Variants in CEP162 observed in about 807,000 individuals in gnomAD.
The protein encoded by CEP162 is centrosomal protein 162.
In CEP162, 141 loss-of-function variants were observed where a neutral mutation model predicts 169.2. The ratio of observed to expected loss-of-function variants is 0.83; its 90% CI spans 0.73 to 0.96. CEP162 has a LOEUF of 0.96. Among genes scored for constraint, CEP162 ranks in the 40% least tolerant of loss-of-function variants. The probability of loss-of-function intolerance (pLI) is 0.00; values close to 1 mark genes in which losing one functional copy is unlikely to be tolerated. For synonymous variants in CEP162, 540 were observed against 526.4 expected (o/e 1.03, Z -0.35); for missense variants, 1,600 against 1,587.2 (o/e 1.01, Z -0.14).
intron 11 of CEP162, among the ~76,000 whole-genome samples, chr6:84,193,281 T>C (rs191017448): frequency 6.6e-6 from 1 of 152,354 alleles, no homozygotes; most frequent in Non-Finnish European, 1.5e-5. Context: ...GAAGGAAATC[T>C]ATGACTCATA....
Position 84,201,693 on chromosome 6 carries a change from A to C in CEP162, c.718+44T>G, listed in dbSNP as rs200443553. On this transcript the variant is annotated intron_variant, in intron 8 of 26. Transcript: ENST00000403245. ...ATTACTGAGATGAAATTCTGAACAG[A>C]CTAATTTTTTGCCAACTAAAACATG... The C allele has an allele frequency of 9.6e-5, 96 of 997,792 alleles. 2 individuals are homozygous for C. The East Asian group carries it at 1.3e-3, about 14-fold the overall frequency. The allele number at this position is 997,792 out of a possible 1,614,324, so 61.8% of individuals were successfully genotyped here. A position where few individuals can be genotyped will look rare whatever the true frequency, so the allele number is the denominator to read the frequency against.
At chr6:84,159,271 A>C (rs2099524487) in intron 21 of CEP162, among the ~76,000 whole-genome samples, 1 of 150,986 alleles carries the variant, frequency 6.6e-6, no homozygotes, top group Non-Finnish European at 1.5e-5. Context: ...CTGTTTAATA[A>C]AAGTATTAAT....
chr6:84,143,116 TAATA>T (rs577305991), intron 25 of CEP162, among the ~76,000 whole-genome samples: 61 of 152,220 alleles, frequency 4.0e-4, no homozygotes, highest in African/African-American at 1.3e-3. Flanking sequence ...CTAAGTTAAA[TAATA>T]AATAGTCACT....
intron 23 of CEP162, 31 bp from the exon 24 acceptor site, chr6:84,149,734 A>G (rs200647628): frequency 1.4e-6 from 2 of 1,447,526 alleles, no homozygotes; most frequent in Middle Eastern, 1.8e-4. Flanking sequence ...AACCACACAT[A>G]AAAGTGGCTC....
intron 16 of CEP162, among the ~76,000 whole-genome samples, chr6:84,172,897 G>A (rs936159895): frequency 1.2e-4 from 19 of 152,112 alleles, no homozygotes; most frequent in African/African-American, 4.3e-4. Context: ...CAAAGATAAA[G>A]TCTTATGTTG....
intron 25 of CEP162, among the ~76,000 whole-genome samples, chr6:84,145,742 T>C (rs56376014): frequency 1.5e-3 from 234 of 152,238 alleles, no homozygotes; most frequent in Non-Finnish European, 3.1e-3. Context: ...TGATATAAAC[T>C]GCAGAGAGTC....
rs77269284 is a variant in CEP162 at position 84,191,240 on chromosome 6, G to A, written c.1109+2369C>T. Among the ~76,000 whole-genome samples, 497 of 152,028 alleles carry A rather than the reference G, an allele frequency of 3.3e-3. 2 individuals are homozygous for A. The highest frequency in any genetic ancestry group is 0.011 in the African/African-American group (454 of 41,478). On this transcript the variant is annotated intron_variant, in intron 11 of 26. Transcript: ENST00000403245. ...GGGCAGGAAGTGGATTGAGAAGGGA[G>A]TGTATCCCCCAAGATGGGCATACCC...
Position 84,157,422 on chromosome 6 carries a change from AG to A in CEP162, c.2782-1913del, listed in dbSNP as rs1414434953. On this transcript the variant is annotated intron_variant, in intron 21 of 26. Transcript: ENST00000403245. ...TGCGATGGCTCATGCCTGTAATCCC[AG>A]CACTTTGGGAAGCCAAGGCGGGTGG... 2.6e-5 allele frequency among the ~76,000 whole-genome samples: 4 copies of A among 152,230 alleles called. No individual in the cohort carries two copies. The East Asian group carries it at 7.7e-4, about 29-fold the overall frequency.
intron 3 of CEP162, among the ~76,000 whole-genome samples, chr6:84,216,716 CT>C (rs1391894162): frequency 5.9e-5 from 9 of 151,950 alleles, no homozygotes; most frequent in African/African-American, 2.2e-4. Context: ...TTAAGAGATA[CT>C]TTGAAATATA....
At chr6:84,204,436 G>A (rs758372433) in intron 6 of CEP162, among the ~76,000 whole-genome samples, 8 of 152,230 alleles carry the variant, frequency 5.3e-5, no homozygotes, top group African/African-American at 1.4e-4. Context: ...ACTCAAAACC[G>A]CACAACTACA....
rs1355660418 is a variant in CEP162 at position 84,193,652 on chromosome 6, T to C, written c.1066A>G (p.Ile356Val). Residue 356 changes from isoleucine (I) to valine (V), a missense_variant, in exon 11 of 27, where the codon ATA (isoleucine) becomes GTA (valine). Physicochemically the swap from Ile to Val is conservative, Grantham distance 29 (BLOSUM62 3). Transcript: ENST00000403245. ...TVEELMKPIRIDSFGISGFDL... is the reference protein window; with the variant it reads ...TVEELMKPIRVDSFGISGFDL... ...AAACCACTGATCCCAAAGGAATCTATTCTGATAGGTTTCATCAGCTCCTCT... is the reference window on the plus strand; with the variant it reads ...AAACCACTGATCCCAAAGGAATCTACTCTGATAGGTTTCATCAGCTCCTCT... 5 of 1,568,638 alleles carry C rather than the reference T, an allele frequency of 3.2e-6. No homozygotes were observed. The highest frequency in any genetic ancestry group is 2.4e-5 in the South Asian group (2 of 84,908).
At chr6:84,201,054 A>G (rs577064251) in intron 8 of CEP162, 149 bp from the exon 9 acceptor site, 21 of 402,800 alleles carry the variant, frequency 5.2e-5, no homozygotes, top group Admixed American at 2.0e-4. Flanking sequence ...CAAGGCGGGC[A>G]GATCACGAGG....
chr6:84,154,083 T>A (rs1454877395), intron 22 of CEP162, among the ~76,000 whole-genome samples: 3 of 151,986 alleles, frequency 2.0e-5, no homozygotes, highest in Admixed American at 6.6e-5. Context: ...ATGTTTGGTA[T>A]ATACAGGGAA....
intron 3 of CEP162, among the ~76,000 whole-genome samples, chr6:84,217,143 C>G (rs544617827): frequency 1.3e-5 from 2 of 152,062 alleles, no homozygotes; most frequent in East Asian, 1.9e-4. Flanking sequence ...ACACACCAGG[C>G]ATTGTTCTAA....
chr6:84,162,300 A>C (rs984441283), intron 19 of CEP162, among the ~76,000 whole-genome samples: 6 of 152,212 alleles, frequency 3.9e-5, no homozygotes, highest in Non-Finnish European at 7.3e-5. Flanking sequence ...AACATTCAGG[A>C]GTGCTTATTA....
At chr6:84,203,943 A>T (rs762495085) in intron 7 of CEP162, 38 bp downstream of exon 7, 11 of 1,321,440 alleles carry the variant, frequency 8.3e-6, no homozygotes, top group Non-Finnish European at 1.2e-5. Flanking sequence ...TTGAGAAAAA[A>T]GTTGCAAAAC....
intron 19 of CEP162, 98 bp from the exon 20 acceptor site, chr6:84,162,007 AT>A: frequency 2.8e-6 from 2 of 722,938 alleles, no homozygotes; most frequent in Non-Finnish European, 4.4e-6. Context: ...TGCCCATCTA[AT>A]GACAGCATTA....
At chr6:84,131,940 T>C (rs574006407) in intron 25 of CEP162, among the ~76,000 whole-genome samples, 2 of 152,356 alleles carry the variant, frequency 1.3e-5, no homozygotes, top group South Asian at 2.1e-4. Context: ...CTAGCACTGA[T>C]GGTCTTTACA....
chr6:84,219,972 T>A (rs547597094), intron 3 of CEP162, among the ~76,000 whole-genome samples: 1 of 152,210 alleles, frequency 6.6e-6, no homozygotes, highest in Non-Finnish European at 1.5e-5. Context: ...CTAGGCTTTA[T>A]TGGGCAAGAA....
Sources: allele counts gnomAD v4.1 joint callset (sites outside exome capture counted in the v4.1 genomes callset), GRCh38; gene constraint gnomAD v4.1.1; transcripts MANE v1.5; gene names NCBI Gene and HGNC (gene_info 2026-07-23, HGNC 2026-07-21).